SNX3: variants seen among roughly 807,000 people sequenced by gnomAD.
SNX3 encodes sorting nexin 3.
Under a neutral mutation model 17.7 loss-of-function variants are expected in SNX3, and 5 were observed. That is an observed-to-expected ratio of 0.28 (90% CI 0.15 to 0.59). The LOEUF is 0.59. Ranked by LOEUF, SNX3 falls within the 20% of genes least tolerant of loss-of-function variation. The pLI, the probability that SNX3 is intolerant of heterozygous loss-of-function variation, is 0.88. For missense variants in SNX3, 132 were observed against 206.8 expected (o/e 0.64, Z 2.22); for synonymous variants, 91 against 76.5 (o/e 1.19, Z -0.99).
intron 1 of SNX3, among the ~76,000 whole-genome samples, chr6:108,232,913 G>A (rs753346995): frequency 1.3e-5 from 2 of 152,216 alleles, no homozygotes; most frequent in Non-Finnish European, 1.5e-5. Context: ...TAATAAGGCT[G>A]AGAAGAAGTC....
At chr6:108,231,704 T>G (rs1006277616) in intron 1 of SNX3, among the ~76,000 whole-genome samples, 3 of 152,226 alleles carry the variant, frequency 2.0e-5, no homozygotes, top group South Asian at 2.1e-4. Flanking sequence ...ATAATAAAAT[T>G]TATTGCCATT....
At chr6:108,221,473 T>C (rs550393745) in intron 2 of SNX3, among the ~76,000 whole-genome samples, 41 of 148,744 alleles carry the variant, frequency 2.8e-4, no homozygotes, top group Middle Eastern at 6.8e-3. Context: ...AATAAAAAAA[T>C]CTTCAACAGT....
chr6:108,236,372 A>AT, intron 1 of SNX3, among the ~76,000 whole-genome samples: 1 of 122,044 alleles, frequency 8.2e-6, no homozygotes, highest in Non-Finnish European at 1.6e-5. Context: ...CTATATTATT[A>AT]TTATTATTTT....
chr6:108,230,093 C>G (rs996188520), intron 1 of SNX3, among the ~76,000 whole-genome samples: 21 of 151,440 alleles, frequency 1.4e-4, no homozygotes, highest in Non-Finnish European at 2.8e-4. Flanking sequence ...AGCAAAAATC[C>G]CTTAAAGGTT....
At chr6:108,255,832 A>G (rs1159900362) in intron 1 of SNX3, among the ~76,000 whole-genome samples, 1 of 152,238 alleles carries the variant, frequency 6.6e-6, no homozygotes, top group Non-Finnish European at 1.5e-5. Context: ...TTAGAACGGC[A>G]AGCACTGTCA....
intron 1 of SNX3, 38 bp from the exon 2 acceptor site, chr6:108,223,083 T>TA: frequency 8.7e-7 from 1 of 1,145,330 alleles, no homozygotes; most frequent in African/African-American, 1.5e-5. Context: ...TGAAGCACAT[T>TA]AAGGAAACTT....
intron 1 of SNX3, among the ~76,000 whole-genome samples, chr6:108,245,172 C>T (rs1253275197): frequency 6.6e-6 from 1 of 152,010 alleles, no homozygotes; most frequent in African/African-American, 2.4e-5. Flanking sequence ...CATGTGATCT[C>T]ATTGTTCAAC....
At chr6:108,222,528 T>C (rs1774824426) in intron 2 of SNX3, among the ~76,000 whole-genome samples, 1 of 152,234 alleles carries the variant, frequency 6.6e-6, no homozygotes. Context: ...TACTGCTTTA[T>C]GAAACTTCTG....
At chr6:108,226,273 C>T (rs957579815) in intron 1 of SNX3, among the ~76,000 whole-genome samples, 3 of 152,046 alleles carry the variant, frequency 2.0e-5, no homozygotes, top group African/African-American at 7.2e-5. Flanking sequence ...AGGGTTTCAC[C>T]ATGTTGCTCA....
intron 2 of SNX3, chr6:108,222,416 G>A: frequency 8.3e-7 from 1 of 1,208,902 alleles, no homozygotes. Flanking sequence ...GCATGTAACA[G>A]TGTTTTTAAA....
chr6:108,215,054 A>G (rs957488105), intron 2 of SNX3, among the ~76,000 whole-genome samples: 1 of 152,262 alleles, frequency 6.6e-6, no homozygotes, highest in Non-Finnish European at 1.5e-5. Context: ...TGGTTAGGTA[A>G]GAATTCTGGT....
chr6:108,237,286 A>C (rs139198583), intron 1 of SNX3, among the ~76,000 whole-genome samples: 23 of 152,290 alleles, frequency 1.5e-4, no homozygotes, highest in African/African-American at 5.1e-4. Context: ...TCCACCTTCC[A>C]ATACCTTCCC....
At chr6:108,253,100 T>C (rs1054430105) in intron 1 of SNX3, among the ~76,000 whole-genome samples, 6 of 152,332 alleles carry the variant, frequency 3.9e-5, no homozygotes, top group African/African-American at 1.2e-4. Flanking sequence ...TACTACTTTC[T>C]GGAAGGGGTG....
intron 2 of SNX3, among the ~76,000 whole-genome samples, chr6:108,214,941 G>A (rs186803458): frequency 1.3e-5 from 2 of 152,306 alleles, no homozygotes; most frequent in Admixed American, 1.3e-4. Context: ...TCAGACACTT[G>A]TGATGCCACT....
intron 1 of SNX3, among the ~76,000 whole-genome samples, chr6:108,232,606 T>G (rs1293795422): frequency 1.3e-5 from 2 of 152,226 alleles, no homozygotes; most frequent in African/African-American, 4.8e-5. Flanking sequence ...ACTAGGTGTT[T>G]CTAGTATTTC....
At chr6:108,248,484 G>T (rs1775757041) in intron 1 of SNX3, among the ~76,000 whole-genome samples, 1 of 152,120 alleles carries the variant, frequency 6.6e-6, no homozygotes, top group Admixed American at 6.6e-5. Flanking sequence ...CTGACCCACA[G>T]GAGCTACTCA....
chr6:108,242,212 A>G (rs1054813964), intron 1 of SNX3, among the ~76,000 whole-genome samples: 5 of 152,176 alleles, frequency 3.3e-5, no homozygotes, highest in African/African-American at 9.7e-5. Context: ...ACTAACAAGC[A>G]TATCAACACA....
At chr6:108,236,875 C>T (rs1352611526) in intron 1 of SNX3, among the ~76,000 whole-genome samples, 1 of 152,178 alleles carries the variant, frequency 6.6e-6, no homozygotes, top group African/African-American at 2.4e-5. Context: ...GACATCATGA[C>T]ATTAAACACT....
At chr6:108,227,726 G>A (rs189446898) in intron 1 of SNX3, among the ~76,000 whole-genome samples, 4 of 152,102 alleles carry the variant, frequency 2.6e-5, no homozygotes, top group Admixed American at 2.0e-4. Context: ...ATATGCAGTG[G>A]TTAACTTAGC....
Sources: gnomAD v4.1 joint callset for allele counts (sites outside exome capture counted in the v4.1 genomes callset) on GRCh38, gnomAD v4.1.1 for gene constraint, MANE v1.5 for transcripts, NCBI Gene and HGNC (gene_info 2026-07-23, HGNC 2026-07-21) for gene names.